Variants in DNAH17 observed in about 807,000 individuals in gnomAD.
The protein encoded by DNAH17 is axonemal beta dynein heavy chain 17.
Under a neutral mutation model 485.6 loss-of-function variants are expected in DNAH17, and 376 were observed. The ratio of observed to expected loss-of-function variants is 0.77; its 90% CI spans 0.71 to 0.84. DNAH17 has a LOEUF of 0.84. Ranked by LOEUF, DNAH17 falls within the 40% of genes least tolerant of loss-of-function variation. The pLI is 0.00. For synonymous variants in DNAH17, 3,031 were observed against 2,405.9 expected, an observed-to-expected ratio of 1.26 and a Z score of -7.60; for missense variants, 6,370 against 5,839.3, an observed-to-expected ratio of 1.09 and a Z score of -2.96.
intron 18 of DNAH17, 131 bp from the exon 19 acceptor site, chr17:78,537,612 C>T: frequency 5.4e-6 from 6 of 1,101,630 alleles, no homozygotes; most frequent in Non-Finnish European, 6.5e-6. Context: ...CTTCTGAGAG[C>T]TCGTGTCTCA....
At chr17:78,566,023 C>A (rs907999751) in intron 11 of DNAH17, among the ~76,000 whole-genome samples, 2 of 151,866 alleles carry the variant, frequency 1.3e-5, no homozygotes, top group African/African-American at 4.8e-5. Context: ...AAATAGAGAC[C>A]CCAGAGACCT....
intron 60 of DNAH17, 52 bp downstream of exon 60, chr17:78,459,732 C>T: frequency 6.2e-7 from 1 of 1,600,972 alleles, no homozygotes; most frequent in Non-Finnish European, 8.6e-7. Flanking sequence ...GTGCCTTGGC[C>T]TGATGGAGAA....
intron 62 of DNAH17, among the ~76,000 whole-genome samples, chr17:78,456,591 G>A (rs932735333): frequency 6.6e-6 from 1 of 152,194 alleles, no homozygotes; most frequent in Non-Finnish European, 1.5e-5. Flanking sequence ...GGGACTCCAC[G>A]ATGCGCCTCG....
chr17:78,468,281 T>C (rs1205599612), intron 55 of DNAH17, among the ~76,000 whole-genome samples: 1 of 152,172 alleles, frequency 6.6e-6, no homozygotes, highest in Non-Finnish European at 1.5e-5. Context: ...GAGGGGAGCA[T>C]CTTCAAAAAT....
intron 54 of DNAH17, among the ~76,000 whole-genome samples, chr17:78,472,315 A>C (rs2088797210): frequency 7.2e-6 from 1 of 138,632 alleles, no homozygotes. Flanking sequence ...TGCGAGGGTT[A>C]GGGTTAGGGA....
intron 62 of DNAH17, among the ~76,000 whole-genome samples, chr17:78,457,659 T>TC (rs1447560064): frequency 1.2e-3 from 9 of 7,622 alleles, no homozygotes; most frequent in Admixed American, 7.1e-3. Context: ...GTGCCTGGCT[T>TC]TTTTTTTTTT....
In DNAH17 at chr17:78,571,758, C is replaced by A. The variant is rs762677696; in HGVS notation, c.564G>T (p.Leu188Phe). The A allele has an allele frequency of 2.7e-5, 43 of 1,600,740 alleles. No homozygotes were observed. The highest frequency in any genetic ancestry group is 3.3e-5 in the Non-Finnish European group (39 of 1,173,028). Residue 188 changes from leucine (L) to phenylalanine (F), a missense_variant, in exon 4 of 81, where the codon TTG becomes TTT. Transcript: ENST00000389840. ...MERIPSSLDNLLLHAIETTII... is the reference protein window; with the variant it reads ...MERIPSSLDNFLLHAIETTII... The stretch of plus-strand genomic sequence containing the variant: ...TGGTGGTTTCAATGGCGTGCAGGAG[C>A]AAGTTGTCCAGTGAAGAGGGGATCC...
At position 78,454,623 on chromosome 17, in the gene DNAH17, C is replaced by T; in HGVS notation, c.10253G>A (p.Gly3418Asp). ...DADVATWNNQ[G>D]LPSDRMSTEN... ...GGTGGACATGCGGTCGCTGGGGAGG[C>T]CCTGGTTGTTCCAGGTGGCCACGTC... Residue 3418 changes from glycine (G) to aspartate (D), a missense_variant, in exon 64 of 81, where the codon GGC (glycine) becomes GAC (aspartate). Physicochemically the swap from Gly to Asp is moderately conservative, Grantham distance 94 (BLOSUM62 -1). Coordinates refer to ENST00000389840, the MANE Select transcript of DNAH17 (RefSeq NM_173628.4). The T allele has an allele frequency of 1.2e-6, 2 of 1,613,120 alleles. No homozygotes were observed. Among genetic ancestry groups the T allele is most frequent in the Admixed American group, 3.3e-5 (2 of 60,024 alleles).
chr17:78,559,555 A>G (rs555944147), intron 13 of DNAH17, among the ~76,000 whole-genome samples: 13 of 152,264 alleles, frequency 8.5e-5, no homozygotes, highest in Admixed American at 1.3e-4. Context: ...CCCAGCTGTC[A>G]TCTCTTGCCT....
At chr17:78,466,162 G>A (rs1568095749) in intron 56 of DNAH17, among the ~76,000 whole-genome samples, 3 of 152,238 alleles carry the variant, frequency 2.0e-5, no homozygotes, top group Admixed American at 6.5e-5. Flanking sequence ...AACATGTGCT[G>A]TGTCCACTCA....
intron 25 of DNAH17, among the ~76,000 whole-genome samples, chr17:78,524,309 C>T (rs978995361): frequency 4.6e-5 from 7 of 152,040 alleles, no homozygotes; most frequent in Non-Finnish European, 1.0e-4. Flanking sequence ...AGTTAATTTT[C>T]GTATTTTTCG....
At chr17:78,519,041 A>G (rs915815534) in intron 25 of DNAH17, among the ~76,000 whole-genome samples, 4 of 151,770 alleles carry the variant, frequency 2.6e-5, no homozygotes, top group African/African-American at 4.8e-5. Context: ...GGTGGCGGGC[A>G]CCTGTAGTCC....
intron 63 of DNAH17, among the ~76,000 whole-genome samples, chr17:78,455,233 A>T (rs2146509394): frequency 6.6e-6 from 1 of 151,112 alleles, no homozygotes; most frequent in South Asian, 2.1e-4. Context: ...CTCATCCCCA[A>T]AGGGGCCTGA....
In DNAH17 at chr17:78,561,807, GT is replaced by G; in HGVS notation, c.1742del (p.Asn581ThrfsTer19). The G allele has an allele frequency of 6.2e-7, 1 of 1,613,898 alleles. No individual in the cohort carries two copies. The highest frequency in any genetic ancestry group is 1.3e-5 in the African/African-American group (1 of 75,068). ...EEGNIPLIHK[N>X]MPPVAGQLKW... is the part of the protein sequence containing the mutation. The stretch of plus-strand genomic sequence containing the variant: ...TGAGCTGCCCGGCCACGGGAGGCAT[GT>G]TTTTGTGGATCAGGGGGATGTTCCC... On this transcript the variant is annotated frameshift_variant, in exon 12 of 81. Coordinates refer to ENST00000389840, the MANE Select transcript of DNAH17 (RefSeq NM_173628.4). LOFTEE classifies it high-confidence loss of function.
chr17:78,551,756 G>A, intron 15 of DNAH17, 118 bp from the exon 16 acceptor site: 2 of 883,860 alleles, frequency 2.3e-6, no homozygotes, highest in South Asian at 3.0e-5. Context: ...GAGGTCGGGA[G>A]TTCGAGACCA....
At chr17:78,470,686 C>T (rs1001932137) in intron 54 of DNAH17, among the ~76,000 whole-genome samples, 1 of 152,082 alleles carries the variant, frequency 6.6e-6, no homozygotes, top group African/African-American at 2.4e-5. Context: ...GAGACTCCGT[C>T]TCAAAGAAAA....
intron 73 of DNAH17, among the ~76,000 whole-genome samples, chr17:78,438,537 G>T (rs1299667210): frequency 7.0e-6 from 1 of 142,968 alleles, no homozygotes; most frequent in African/African-American, 2.7e-5. Context: ...TCACTCTGTC[G>T]CCCGGGCTGG....
rs918247102 is a variant in DNAH17, at chr17:78,500,570, A to G, written c.5484-109T>C. 171 of 1,163,582 alleles carry G rather than the reference A, an allele frequency of 1.5e-4. 2 individuals are homozygous for G. Among genetic ancestry groups the G allele is most frequent in the African/African-American group, 3.2e-5 (2 of 62,708 alleles). 72.1% of individuals were successfully genotyped at this position (1,163,582 alleles called of 1,614,324 possible). A position where few individuals can be genotyped will look rare whatever the true frequency, so the allele number is the denominator to read the frequency against. On this transcript the variant is annotated intron_variant, in intron 35 of 80. Transcript: ENST00000389840. Reference sequence around the variant, plus strand: ...GTCACCCAGGCTGGAGTGCAGTGGTACAATCTTGGCTCACTGCAACCTCTG... The same window carrying G: ...GTCACCCAGGCTGGAGTGCAGTGGTGCAATCTTGGCTCACTGCAACCTCTG...
At chr17:78,568,266 G>A (rs2092300084) in intron 9 of DNAH17, among the ~76,000 whole-genome samples, 1 of 152,116 alleles carries the variant, frequency 6.6e-6, no homozygotes, top group Admixed American at 6.5e-5. Context: ...TTCTCGGTCT[G>A]GGAGATTTCA....
Sources: gnomAD v4.1 joint callset for allele counts (sites outside exome capture counted in the v4.1 genomes callset) on GRCh38, gnomAD v4.1.1 for gene constraint, MANE v1.5 for transcripts, NCBI Gene and HGNC (gene_info 2026-07-23, HGNC 2026-07-21) for gene names.